The following ZFAND3 variants were observed in gnomAD, a reference collection of about 807,000 sequenced individuals.
The protein encoded by ZFAND3 is zinc finger AN1-type containing 3.
Under a neutral mutation model 29.6 loss-of-function variants are expected in ZFAND3, and 10 were observed. The observed-to-expected ratio is 0.34, with a 90% confidence interval of 0.21 to 0.57. ZFAND3 has a LOEUF of 0.57. Among genes scored for constraint, ZFAND3 ranks in the 20% least tolerant of loss-of-function variants. The pLI, the probability that ZFAND3 is intolerant of heterozygous loss-of-function variation, is 0.86. For missense variants in ZFAND3, 230 were observed against 304.5 expected, an observed-to-expected ratio of 0.76 and a Z score of 1.82; for synonymous variants, 128 against 112.6, an observed-to-expected ratio of 1.14 and a Z score of -0.87.
intron 1 of ZFAND3, among the ~76,000 whole-genome samples, chr6:37,907,806 A>G (rs192443365): frequency 3.9e-5 from 6 of 152,320 alleles, no homozygotes; most frequent in African/African-American, 7.2e-5. Context: ...TAGATTGACT[A>G]TTAACATTTG....
At chr6:38,007,220 A>G (rs576596856) in intron 2 of ZFAND3, among the ~76,000 whole-genome samples, 2 of 152,320 alleles carry the variant, frequency 1.3e-5, no homozygotes, top group South Asian at 2.1e-4. Context: ...TCATTTAACT[A>G]TAAAAATTTC....
intron 1 of ZFAND3, among the ~76,000 whole-genome samples, chr6:37,880,276 C>G (rs1165008728): frequency 2.0e-5 from 3 of 152,162 alleles, no homozygotes; most frequent in Non-Finnish European, 4.4e-5. Context: ...GTGCTTTTCT[C>G]CTTTGCTTTA....
chr6:38,052,893 G>A (rs1764053826), intron 2 of ZFAND3, among the ~76,000 whole-genome samples: 1 of 152,036 alleles, frequency 6.6e-6, no homozygotes, highest in Non-Finnish European at 1.5e-5. Context: ...CAAAACTTAG[G>A]TGTGGTGGTG....
At position 37,988,065 on chromosome 6, in the gene ZFAND3, G is replaced by T. The variant is rs192834131; in HGVS notation, c.112+58066G>T. 3.3e-5 allele frequency among the ~76,000 whole-genome samples: 5 copies of T among 152,180 alleles called. No individual in the cohort carries two copies. The South Asian group carries it at 1.0e-3, about 31-fold the overall frequency. On this transcript the variant is annotated intron_variant, in intron 2 of 5. Coordinates refer to ENST00000287218, the MANE Select transcript of ZFAND3 (RefSeq NM_021943.3). ...GTTATTGCAGTTAGAAGGAAATATT[G>T]TGTGAATTAAATTTTTTAAAAAAAG...
intron 1 of ZFAND3, among the ~76,000 whole-genome samples, chr6:37,870,600 GAAA>G (rs35350059): frequency 8.9e-6 from 1 of 112,106 alleles, no homozygotes; most frequent in African/African-American, 3.5e-5. Context: ...CTCTGTCTCA[GAAA>G]AAAAAAAAAA....
At chr6:38,074,546 C>G (rs1177224916) in intron 3 of ZFAND3, among the ~76,000 whole-genome samples, 1 of 152,136 alleles carries the variant, frequency 6.6e-6, no homozygotes, top group Non-Finnish European at 1.5e-5. Flanking sequence ...TTGGAGTTAG[C>G]AGAGGTTGGT....
At chr6:37,949,176 A>T (rs1278195773) in intron 2 of ZFAND3, among the ~76,000 whole-genome samples, 1 of 151,986 alleles carries the variant, frequency 6.6e-6, no homozygotes, top group Admixed American at 6.6e-5. Context: ...ATGATATCTC[A>T]TTGTTGCTTT....
chr6:37,840,142 A>G (rs1400267040), intron 1 of ZFAND3, among the ~76,000 whole-genome samples: 1 of 151,026 alleles, frequency 6.6e-6, no homozygotes, highest in Admixed American at 6.6e-5. Context: ...TTGTTGCCCA[A>G]GCTGGAGTGC....
chr6:37,841,855 T>G (rs1764083232), intron 1 of ZFAND3, among the ~76,000 whole-genome samples: 1 of 152,352 alleles, frequency 6.6e-6, no homozygotes, highest in East Asian at 1.9e-4. Flanking sequence ...TCAGTGAGTT[T>G]TGACAAATGC....
At chr6:38,007,577 G>A (rs1252567091) in intron 2 of ZFAND3, among the ~76,000 whole-genome samples, 1 of 152,118 alleles carries the variant, frequency 6.6e-6, no homozygotes, top group Non-Finnish European at 1.5e-5. Context: ...AGTTCGTTGT[G>A]TAGGATTTAG....
At chr6:37,835,215 G>A (rs144945966) in intron 1 of ZFAND3, among the ~76,000 whole-genome samples, 42 of 152,170 alleles carry the variant, frequency 2.8e-4, no homozygotes, top group African/African-American at 9.4e-4. Flanking sequence ...GCTGGGGTGC[G>A]GTGACAGAGT....
intron 1 of ZFAND3, among the ~76,000 whole-genome samples, chr6:37,909,679 TCC>T (rs201268832): frequency 0.063 from 9,468 of 151,194 alleles, 425 homozygotes; most frequent in Middle Eastern, 0.093. Context: ...TCCTGTTTTG[TCC>T]TCTGCATTTC....
chr6:37,842,334 T>C (rs1764093724), intron 1 of ZFAND3, among the ~76,000 whole-genome samples: 1 of 152,190 alleles, frequency 6.6e-6, no homozygotes, highest in Non-Finnish European at 1.5e-5. Flanking sequence ...TCTCGTACCC[T>C]ATCAGGCAGC....
intron 5 of ZFAND3, among the ~76,000 whole-genome samples, chr6:38,151,854 G>A (rs1766233161): frequency 6.6e-6 from 1 of 152,054 alleles, no homozygotes; most frequent in African/African-American, 2.4e-5. Context: ...ATCCTGTGGT[G>A]GAAATCACAG....
intron 1 of ZFAND3, among the ~76,000 whole-genome samples, chr6:37,890,288 C>T (rs1298316433): frequency 1.3e-5 from 2 of 152,016 alleles, no homozygotes; most frequent in East Asian, 1.9e-4. Flanking sequence ...AGTTTGAGTC[C>T]CTATAGGTTG....
intron 4 of ZFAND3, among the ~76,000 whole-genome samples, chr6:38,106,918 G>T (rs1765222389): frequency 6.6e-6 from 1 of 151,998 alleles, no homozygotes; most frequent in South Asian, 2.1e-4. Flanking sequence ...AAATAAACTG[G>T]GAATATTATT....
intron 3 of ZFAND3, among the ~76,000 whole-genome samples, chr6:38,065,741 A>G (rs1469379750): frequency 2.0e-5 from 3 of 152,214 alleles, no homozygotes; most frequent in African/African-American, 4.8e-5. Flanking sequence ...AGTCACTATA[A>G]GATATTGTCA....
chr6:37,986,916 A>G (rs4711522), intron 2 of ZFAND3, among the ~76,000 whole-genome samples: 45,884 of 152,088 alleles, frequency 0.3, 7,468 homozygotes, highest in East Asian at 0.57. Flanking sequence ...AATGTTTACT[A>G]AATGTTCCAG....
At chr6:37,858,283 A>G (rs770713412) in intron 1 of ZFAND3, among the ~76,000 whole-genome samples, 8 of 152,176 alleles carry the variant, frequency 5.3e-5, no homozygotes, top group Non-Finnish European at 1.2e-4. Context: ...TTTATGCTGG[A>G]AGAACTTCTT....
Sources: allele counts gnomAD v4.1 joint callset (sites outside exome capture counted in the v4.1 genomes callset), GRCh38; gene constraint gnomAD v4.1.1; transcripts MANE v1.5; gene names NCBI Gene and HGNC (gene_info 2026-07-23, HGNC 2026-07-21).